The following TSPAN5 variants were observed in gnomAD, a reference collection of about 807,000 sequenced individuals.
The protein encoded by TSPAN5 is tetraspanin-5.
A neutral mutation model predicts 37.1 loss-of-function variants in TSPAN5; 10 were observed. The observed-to-expected ratio is 0.27, with a 90% CI of 0.17 to 0.46. TSPAN5 has a LOEUF of 0.46. TSPAN5 is among the 20% of genes least tolerant of loss of function. The pLI is 1.00. For missense variants in TSPAN5, 195 were observed against 326.6 expected (o/e 0.60, Z 3.11); for synonymous variants, 110 against 118.9 (o/e 0.93, Z 0.48).
intron 1 of TSPAN5, among the ~76,000 whole-genome samples, chr4:98,627,447 G>A (rs1040041445): frequency 3.3e-5 from 5 of 151,726 alleles, no homozygotes; most frequent in African/African-American, 9.7e-5. Flanking sequence ...AGAATAACAC[G>A]AGTAAATGCA....
intron 2 of TSPAN5, among the ~76,000 whole-genome samples, chr4:98,506,901 TA>T (rs1753487593): frequency 6.6e-6 from 1 of 152,160 alleles, no homozygotes; most frequent in Non-Finnish European, 1.5e-5. Flanking sequence ...GGCGGGTGTT[TA>T]TATTCACTGT....
intron 2 of TSPAN5, among the ~76,000 whole-genome samples, chr4:98,494,897 A>T (rs1753165229): frequency 6.6e-6 from 1 of 152,174 alleles, no homozygotes; most frequent in African/African-American, 2.4e-5. Context: ...AATCTAAGAC[A>T]TGGAGAGAAA....
intron 1 of TSPAN5, among the ~76,000 whole-genome samples, chr4:98,607,493 G>A (rs1387938149): frequency 6.6e-6 from 1 of 152,092 alleles, no homozygotes; most frequent in Non-Finnish European, 1.5e-5. Context: ...TGGTTTCCAG[G>A]AAGCTCATTA....
At chr4:98,511,291 A>C (rs1471386314) in intron 1 of TSPAN5, among the ~76,000 whole-genome samples, 1 of 152,198 alleles carries the variant, frequency 6.6e-6, no homozygotes, top group Non-Finnish European at 1.5e-5. Context: ...TTGCTTAATA[A>C]AGGGAATACG....
At chr4:98,541,674 C>CAAAA (rs746840547) in intron 1 of TSPAN5, among the ~76,000 whole-genome samples, 1 of 104,390 alleles carries the variant, frequency 9.6e-6, no homozygotes, top group Non-Finnish European at 1.8e-5. Context: ...GACTCTGTCT[C>CAAAA]AAAAAAAAAA....
At chr4:98,511,510 T>C (rs759785813) in intron 1 of TSPAN5, among the ~76,000 whole-genome samples, 4 of 152,156 alleles carry the variant, frequency 2.6e-5, no homozygotes, top group Non-Finnish European at 5.9e-5. Flanking sequence ...AGAAAAGGCA[T>C]AGTAAAAACA....
chr4:98,503,283 T>C (rs900138936), intron 2 of TSPAN5, among the ~76,000 whole-genome samples: 1 of 151,882 alleles, frequency 6.6e-6, no homozygotes, highest in Admixed American at 6.6e-5. Flanking sequence ...AAGGACGCAA[T>C]CCAGCCACAC....
At chr4:98,542,594 C>T (rs1754382460) in intron 1 of TSPAN5, among the ~76,000 whole-genome samples, 1 of 152,022 alleles carries the variant, frequency 6.6e-6, no homozygotes, top group South Asian at 2.1e-4. Flanking sequence ...TGGTACATGC[C>T]TATAGTCCTA....
At chr4:98,492,494 C>T (rs1466763897) in intron 2 of TSPAN5, among the ~76,000 whole-genome samples, 2 of 152,130 alleles carry the variant, frequency 1.3e-5, no homozygotes, top group Middle Eastern at 3.2e-3. Context: ...TTTGCATCTG[C>T]GAAGTCCTGC....
chr4:98,538,745 T>A (rs916469065), intron 1 of TSPAN5, among the ~76,000 whole-genome samples: 1 of 152,268 alleles, frequency 6.6e-6, no homozygotes, highest in East Asian at 1.9e-4. Flanking sequence ...GTCCTGTGAC[T>A]GCCTGTGCAG....
At chr4:98,599,014 G>C (rs576173315) in intron 1 of TSPAN5, among the ~76,000 whole-genome samples, 6 of 152,224 alleles carry the variant, frequency 3.9e-5, no homozygotes, top group South Asian at 2.1e-4. Context: ...AAATCTCCAA[G>C]AGCTTTCTGA....
intron 1 of TSPAN5, among the ~76,000 whole-genome samples, chr4:98,586,803 G>A (rs1034128514): frequency 2.6e-5 from 4 of 152,208 alleles, no homozygotes; most frequent in South Asian, 2.1e-4. Flanking sequence ...ACAATAGCGT[G>A]CACATGCACC....
At chr4:98,634,454 A>G in intron 1 of TSPAN5, among the ~76,000 whole-genome samples, 1 of 129,114 alleles carries the variant, frequency 7.7e-6, no homozygotes, top group East Asian at 2.0e-4. Context: ...AATACTGTCA[A>G]TTGACATGCA....
intron 2 of TSPAN5, among the ~76,000 whole-genome samples, chr4:98,495,931 T>C (rs1007899001): frequency 1.3e-5 from 2 of 152,114 alleles, no homozygotes; most frequent in Admixed American, 6.6e-5. Context: ...AACTGCTGGA[T>C]AAGAAAGAGA....
At chr4:98,558,551 T>C (rs569988407) in intron 1 of TSPAN5, among the ~76,000 whole-genome samples, 15 of 152,288 alleles carry the variant, frequency 9.8e-5, no homozygotes, top group African/African-American at 3.4e-4. Context: ...CTTGAAGAGA[T>C]TGGTTTGCCA....
chr4:98,547,012 C>T lies in TSPAN5; in HGVS notation c.82-39284G>A, dbSNP rs1031891359. Among the ~76,000 whole-genome samples the T allele has an allele frequency of 7.7e-4, 117 of 152,292 alleles. 1 individual carries two copies. Among genetic ancestry groups the T allele is most frequent in the African/African-American group, 2.7e-3 (114 of 41,572 alleles). ...AGCTCGGAGCAGCTCCCCAGGCACACGGCTGATGTGGAAACTCACAGGACA... is the reference window on the plus strand; with the variant it reads ...AGCTCGGAGCAGCTCCCCAGGCACATGGCTGATGTGGAAACTCACAGGACA... On this transcript the variant is annotated intron_variant, in intron 1 of 7. Coordinates refer to ENST00000305798, the MANE Select transcript of TSPAN5 (RefSeq NM_005723.4).
chr4:98,542,081 C>T (rs1030480883), intron 1 of TSPAN5, among the ~76,000 whole-genome samples: 2 of 152,180 alleles, frequency 1.3e-5, no homozygotes, highest in African/African-American at 4.8e-5. Flanking sequence ...CTTGTCCTCT[C>T]TGTACATAAC....
intron 1 of TSPAN5, among the ~76,000 whole-genome samples, chr4:98,513,935 T>C (rs541094292): frequency 2.2e-4 from 34 of 152,276 alleles, no homozygotes; most frequent in Non-Finnish European, 5.9e-5. Flanking sequence ...TAGACAATTC[T>C]TAAATTGACA....
intron 1 of TSPAN5, among the ~76,000 whole-genome samples, chr4:98,519,759 G>A (rs114147526): frequency 3.5e-4 from 53 of 152,314 alleles, no homozygotes; most frequent in African/African-American, 1.2e-3. Context: ...GAAAGATTCT[G>A]ACTCTTGCAC....
Sources: gnomAD v4.1 joint callset for allele counts (sites outside exome capture counted in the v4.1 genomes callset) on GRCh38, gnomAD v4.1.1 for gene constraint, MANE v1.5 for transcripts, NCBI Gene and HGNC (gene_info 2026-07-23, HGNC 2026-07-21) for gene names.